The following MALRD1 variants were observed in gnomAD, a reference collection of about 807,000 sequenced individuals.
The protein encoded by MALRD1 is MAM and LDL-receptor class A domain-containing protein 1.
MALRD1 carries 247 observed loss-of-function variants against 242.1 expected under a neutral mutation model. The observed-to-expected ratio is 1.02, with a 90% CI of 0.92 to 1.13. The LOEUF is 1.13. Ranked by LOEUF, MALRD1 falls within the 50% of genes most tolerant of loss-of-function variation. The probability of loss-of-function intolerance (pLI) is 0.00; values close to 1 mark genes in which losing one functional copy is unlikely to be tolerated. For synonymous variants in MALRD1, 995 were observed against 866.6 expected, an observed-to-expected ratio of 1.15 and a Z score of -2.60; for missense variants, 2,989 against 2,533.1, an observed-to-expected ratio of 1.18 and a Z score of -3.86.
intron 29 of MALRD1, among the ~76,000 whole-genome samples, chr10:19,476,837 T>C (rs945512080): frequency 2.0e-5 from 3 of 152,210 alleles, no homozygotes; most frequent in African/African-American, 7.2e-5. Flanking sequence ...CGTGAGTCTT[T>C]CGTGGAGGTA....
intron 10 of MALRD1, among the ~76,000 whole-genome samples, chr10:19,139,660 T>C (rs1053042331): frequency 1.3e-5 from 2 of 152,220 alleles, no homozygotes; most frequent in African/African-American, 4.8e-5. Context: ...TATTTTAATA[T>C]ATGGCATAAC....
rs537104897 is a variant in MALRD1 at position 19,498,787 on chromosome 10, T to G, written c.5320+141T>G. 341 of 991,884 alleles carry G rather than the reference T, an allele frequency of 3.4e-4. 1 individual carries two copies. Among genetic ancestry groups the G allele is most frequent in the Non-Finnish European group, 4.5e-4 (316 of 706,892 alleles). 61.4% of individuals were successfully genotyped at this position (991,884 alleles called of 1,614,324 possible). A position where few individuals can be genotyped will look rare whatever the true frequency, so the allele number is the denominator to read the frequency against. ...AGGTTTTATGGAAAGAGGGCTAGTC[T>G]CTTCTATTGCAAACTCTGAATTACT... On this transcript the variant is annotated intron_variant, in intron 31 of 39. Transcript: ENST00000454679.
intron 28 of MALRD1, among the ~76,000 whole-genome samples, chr10:19,417,063 C>T (rs944164510): frequency 6.6e-6 from 1 of 152,150 alleles, no homozygotes. Flanking sequence ...TATGGGATAC[C>T]ATACCTCCTT....
chr10:19,275,712 C>G (rs1840485663), intron 19 of MALRD1, among the ~76,000 whole-genome samples: 2 of 151,982 alleles, frequency 1.3e-5, no homozygotes, highest in Admixed American at 6.6e-5. Context: ...AATCAGAAAT[C>G]AGTAAATCCT....
Position 19,124,694 on chromosome 10 carries a change from T to C in MALRD1, c.943+24T>C, listed in dbSNP as rs555568420. 2.4e-6 allele frequency: 3 copies of C among 1,232,748 alleles called. No individual in the cohort carries two copies. The East Asian group carries it at 9.5e-5, about 39-fold the overall frequency. 76.4% of individuals were successfully genotyped at this position (1,232,748 alleles called of 1,614,324 possible). ...AGGTAGAAAAAAAAATAATATCTTT[T>C]ATGTATTACTTTCAGAATTCTGCTT... is the stretch of plus-strand genomic sequence containing the variant. On this transcript the variant is annotated intron_variant, in intron 7 of 39. Transcript: ENST00000454679.
intron 2 of MALRD1, among the ~76,000 whole-genome samples, chr10:19,077,331 A>C (rs1263015055): frequency 2.0e-5 from 3 of 151,956 alleles, no homozygotes; most frequent in Non-Finnish European, 2.9e-5. Context: ...ATCTGTCACA[A>C]ACCAGTGTGT....
chr10:19,515,509 G>C (rs2131300854), intron 31 of MALRD1, among the ~76,000 whole-genome samples: 1 of 151,718 alleles, frequency 6.6e-6, no homozygotes, highest in African/African-American at 2.4e-5. Context: ...ACTTTAACTT[G>C]TTGTTTGTAC....
intron 22 of MALRD1, among the ~76,000 whole-genome samples, chr10:19,325,590 A>G (rs1169051096): frequency 1.3e-5 from 2 of 152,042 alleles, no homozygotes; most frequent in Non-Finnish European, 2.9e-5. Context: ...AGCCAACTCA[A>G]TTTTGGAGCA....
At chr10:19,115,444 T>C (rs1836838350) in intron 5 of MALRD1, among the ~76,000 whole-genome samples, 1 of 151,672 alleles carries the variant, frequency 6.6e-6, no homozygotes, top group Non-Finnish European at 1.5e-5. Context: ...TTTTTAAAAG[T>C]AAAAAACAAC....
intron 34 of MALRD1, among the ~76,000 whole-genome samples, chr10:19,598,059 G>T (rs957347416): frequency 6.6e-6 from 1 of 152,122 alleles, no homozygotes; most frequent in Non-Finnish European, 1.5e-5. Flanking sequence ...CTGCCACCAT[G>T]CCAGTGCTAT....
At chr10:19,203,983 C>T in intron 15 of MALRD1, 103 bp downstream of exon 15, 2 of 1,340,216 alleles carry the variant, frequency 1.5e-6, no homozygotes, top group Non-Finnish European at 2.1e-6. Context: ...CTACAACAAA[C>T]AGTCAGATAG....
At chr10:19,500,835 A>G (rs939383435) in intron 31 of MALRD1, among the ~76,000 whole-genome samples, 1 of 152,108 alleles carries the variant, frequency 6.6e-6, no homozygotes, top group African/African-American at 2.4e-5. Context: ...TCACTTAACT[A>G]TTTCTCAAAT....
At chr10:19,475,769 G>A (rs1382681383) in intron 29 of MALRD1, among the ~76,000 whole-genome samples, 1 of 152,134 alleles carries the variant, frequency 6.6e-6, no homozygotes, top group Non-Finnish European at 1.5e-5. Flanking sequence ...ACTGTGTTCT[G>A]CAGTGACCTT....
chr10:19,417,264 T>G (rs1195939017), intron 28 of MALRD1, among the ~76,000 whole-genome samples: 3 of 152,220 alleles, frequency 2.0e-5, no homozygotes, highest in Non-Finnish European at 4.4e-5. Context: ...CTTTAACTCC[T>G]ATCAAACTGC....
intron 5 of MALRD1, among the ~76,000 whole-genome samples, chr10:19,110,181 A>G (rs988561941): frequency 6.6e-6 from 1 of 152,180 alleles, no homozygotes; most frequent in Non-Finnish European, 1.5e-5. Flanking sequence ...CATGGAGGGA[A>G]AATACATTAA....
At chr10:19,599,603 T>C (rs1428165370) in intron 34 of MALRD1, among the ~76,000 whole-genome samples, 1 of 152,162 alleles carries the variant, frequency 6.6e-6, no homozygotes, top group Non-Finnish European at 1.5e-5. Context: ...TCAGTCAATA[T>C]CCTGGCAAGA....
intron 29 of MALRD1, among the ~76,000 whole-genome samples, chr10:19,474,377 G>A (rs1332932): frequency 0.86 from 131,150 of 152,154 alleles, 56,683 homozygotes; most frequent in East Asian, 1. Context: ...AGAGATTTGA[G>A]TAAAAGTGTC....
intron 12 of MALRD1, among the ~76,000 whole-genome samples, chr10:19,165,094 T>A (rs2131502944): frequency 6.6e-6 from 1 of 151,238 alleles, no homozygotes. Context: ...TAACGTTGAG[T>A]CTCAATGTGT....
At chr10:19,367,515 T>A (rs1488432570) in intron 26 of MALRD1, among the ~76,000 whole-genome samples, 2 of 152,144 alleles carry the variant, frequency 1.3e-5, no homozygotes, top group Non-Finnish European at 2.9e-5. Context: ...CATTCACTTG[T>A]TATTGGACAC....
Sources: gnomAD v4.1 joint callset for allele counts (sites outside exome capture counted in the v4.1 genomes callset) on GRCh38, gnomAD v4.1.1 for gene constraint, MANE v1.5 for transcripts, NCBI Gene and HGNC (gene_info 2026-07-23, HGNC 2026-07-21) for gene names.